The following BAALC variants were observed in gnomAD, a reference collection of about 807,000 sequenced individuals.
The protein encoded by BAALC is BAALC binder of MAP3K1 and KLF4, also known as brain and acute leukemia cytoplasmic protein.
A neutral mutation model predicts 15.5 loss-of-function variants in BAALC; 9 were observed. The ratio of observed to expected loss-of-function variants is 0.58; its 90% CI spans 0.35 to 1.02. BAALC has a LOEUF of 1.02. Ranked by LOEUF, BAALC falls within the 50% of genes least tolerant of loss-of-function variation. The pLI is 0.02. For synonymous variants in BAALC, 80 were observed against 74.6 expected (o/e 1.07, Z -0.37); for missense variants, 201 against 192.4 (o/e 1.04, Z -0.27).
intron 1 of BAALC, among the ~76,000 whole-genome samples, chr8:103,144,801 A>G (rs1283338975): frequency 6.6e-6 from 1 of 152,222 alleles, no homozygotes; most frequent in African/African-American, 2.4e-5. Flanking sequence ...ACCTAAATAA[A>G]CTGAAAGATA....
intron 1 of BAALC, among the ~76,000 whole-genome samples, chr8:103,176,741 G>A (rs1563644060): frequency 1.3e-5 from 2 of 152,178 alleles, no homozygotes; most frequent in Admixed American, 6.5e-5. Flanking sequence ...CTTCTGGTTC[G>A]TTTCCTCTCA....
rs1812852505 is a variant in BAALC at position 103,228,423 on chromosome 8, A to G, written c.*324A>G. The stretch of plus-strand genomic sequence containing the variant: ...TTAAAGCTACAGGTCAGTTTATGAA[A>G]CAGAAAAGTAGGAATGCATTTTCTG... On this transcript the variant is annotated 3_prime_UTR_variant, in exon 3 of 3. Transcript: ENST00000309982. 9.2e-6 allele frequency: 2 copies of G among 217,300 alleles called. No individual in the cohort carries two copies. The highest frequency in any genetic ancestry group is 4.6e-5 in the African/African-American group (2 of 43,464). 13.5% of individuals were successfully genotyped at this position (217,300 alleles called of 1,614,324 possible). A position where few individuals can be genotyped will look rare whatever the true frequency, so the allele number is the denominator to read the frequency against.
intron 1 of BAALC, among the ~76,000 whole-genome samples, chr8:103,181,342 A>G (rs1312644620): frequency 4.6e-5 from 7 of 152,012 alleles, no homozygotes; most frequent in Admixed American, 4.6e-4. Flanking sequence ...GCGCAATCTC[A>G]GCTCACTGCA....
At chr8:103,217,126 C>T (rs1239909628) in intron 2 of BAALC, among the ~76,000 whole-genome samples, 2 of 152,212 alleles carry the variant, frequency 1.3e-5, no homozygotes, top group Admixed American at 6.5e-5. Flanking sequence ...GCAGCCTGTG[C>T]AGCTTTTGTT....
chr8:103,226,151 C>T (rs1812803189), intron 2 of BAALC, among the ~76,000 whole-genome samples: 1 of 152,142 alleles, frequency 6.6e-6, no homozygotes, highest in African/African-American at 2.4e-5. Context: ...ACCAAGATGT[C>T]ATTATACAGG....
chr8:103,169,345 T>G (rs1811425305), intron 1 of BAALC, among the ~76,000 whole-genome samples: 1 of 152,170 alleles, frequency 6.6e-6, no homozygotes, highest in African/African-American at 2.4e-5. Context: ...ATTAATTAGG[T>G]TTTCTCCCCT....
chr8:103,215,700 A>G (rs942699001), intron 2 of BAALC, among the ~76,000 whole-genome samples: 2 of 152,242 alleles, frequency 1.3e-5, no homozygotes, highest in Admixed American at 1.3e-4. Context: ...GTCTCTGCTC[A>G]CATCATACTG....
intron 1 of BAALC, among the ~76,000 whole-genome samples, chr8:103,182,210 T>G (rs758018176): frequency 1.3e-5 from 2 of 152,212 alleles, no homozygotes; most frequent in African/African-American, 2.4e-5. Context: ...AACTCTACAT[T>G]TTCTGAGGCT....
chr8:103,154,299 G>A (rs992132949), intron 1 of BAALC, among the ~76,000 whole-genome samples: 1 of 152,064 alleles, frequency 6.6e-6, no homozygotes, highest in East Asian at 1.9e-4. Flanking sequence ...GGTGGGGTTT[G>A]GAACTCAGGT....
chr8:103,153,669 G>A (rs1382193463), intron 1 of BAALC, among the ~76,000 whole-genome samples: 1 of 152,184 alleles, frequency 6.6e-6, no homozygotes, highest in Non-Finnish European at 1.5e-5. Flanking sequence ...CCAGTTAGTG[G>A]GAACATTTGT....
intron 2 of BAALC, among the ~76,000 whole-genome samples, chr8:103,223,426 G>C (rs1812727642): frequency 6.6e-6 from 1 of 152,204 alleles, no homozygotes; most frequent in African/African-American, 2.4e-5. Flanking sequence ...GAAAAGTAAA[G>C]AGCAGGCATT....
In BAALC at chr8:103,227,148, T is replaced by C. The variant is rs552558580; in HGVS notation, c.328-841T>C. On this transcript the variant is annotated intron_variant, in intron 2 of 2. Transcript: ENST00000309982. ...TAGGAAGCATATGTGCATGCGTTCT[T>C]GTGGGTCATTCTTCCTGACTGTGTG... 6.6e-4 allele frequency among the ~76,000 whole-genome samples: 101 copies of C among 152,310 alleles called. 6 individuals carry two copies. In the South Asian group the frequency reaches 0.02, roughly 30 times the overall value.
intron 2 of BAALC, among the ~76,000 whole-genome samples, chr8:103,222,911 T>TATTTTAA (rs1812711379): frequency 6.6e-6 from 1 of 152,204 alleles, no homozygotes; most frequent in Non-Finnish European, 1.5e-5. Flanking sequence ...GACATCATCT[T>TATTTTAA]TTTACAAATA....
At chr8:103,147,539 T>A (rs1414744122) in intron 1 of BAALC, among the ~76,000 whole-genome samples, 1 of 152,176 alleles carries the variant, frequency 6.6e-6, no homozygotes, top group Non-Finnish European at 1.5e-5. Flanking sequence ...GAAAGGGGTC[T>A]TTTCCTGGCT....
chr8:103,160,813 G>C (rs974734378), intron 1 of BAALC, among the ~76,000 whole-genome samples: 1 of 152,092 alleles, frequency 6.6e-6, no homozygotes, highest in Non-Finnish European at 1.5e-5. Context: ...AGGCTGGGAG[G>C]CTAGGCCAGT....
chr8:103,170,920 C>T (rs957484935), intron 1 of BAALC, among the ~76,000 whole-genome samples: 6 of 152,154 alleles, frequency 3.9e-5, no homozygotes, highest in African/African-American at 1.4e-4. Context: ...TGTTATCTGG[C>T]AGTTTCATTG....
intron 1 of BAALC, among the ~76,000 whole-genome samples, chr8:103,187,551 C>T (rs1196418801): frequency 1.3e-5 from 2 of 152,138 alleles, no homozygotes; most frequent in Non-Finnish European, 1.5e-5. Flanking sequence ...TGTGTTAAGC[C>T]GTAAGCTTAG....
At chr8:103,195,707 T>G (rs1812079679) in intron 1 of BAALC, among the ~76,000 whole-genome samples, 2 of 152,338 alleles carry the variant, frequency 1.3e-5, no homozygotes, top group South Asian at 4.1e-4. Flanking sequence ...CTCTGGAATT[T>G]CAGATGTTTG....
intron 2 of BAALC, among the ~76,000 whole-genome samples, chr8:103,213,970 C>A (rs944966004): frequency 6.6e-6 from 1 of 152,152 alleles, no homozygotes; most frequent in African/African-American, 2.4e-5. Context: ...AAGAACAGAT[C>A]CCAAATCTGC....
Sources: gnomAD v4.1 joint callset for allele counts (sites outside exome capture counted in the v4.1 genomes callset) on GRCh38, gnomAD v4.1.1 for gene constraint, MANE v1.5 for transcripts, NCBI Gene and HGNC (gene_info 2026-07-23, HGNC 2026-07-21) for gene names.